CELF2: variants seen among roughly 807,000 people sequenced by gnomAD.
CELF2 encodes the protein CUGBP Elav-like family member 2.
Under a neutral mutation model 62.6 loss-of-function variants are expected in CELF2, and 8 were observed. The observed-to-expected ratio is 0.13, with a 90% CI of 0.07 to 0.23. The LOEUF is 0.23. Ranked by LOEUF, CELF2 falls within the 10% of genes least tolerant of loss-of-function variation. CELF2 has a pLI of 1.00. For missense variants in CELF2, 333 were observed against 671.0 expected, an observed-to-expected ratio of 0.50 and a Z score of 5.56; for synonymous variants, 258 against 250.0, an observed-to-expected ratio of 1.03 and a Z score of -0.30.
chr10:11,288,902 C>CA (rs1422535395), intron 9 of CELF2, among the ~76,000 whole-genome samples: 1 of 152,084 alleles, frequency 6.6e-6, no homozygotes, highest in Non-Finnish European at 1.5e-5. Context: ...TGCCCTTTTC[C>CA]AAAAAATAAG....
the CELF2 span, among the ~76,000 whole-genome samples, chr10:10,606,326 T>C: frequency 6.6e-6 from 1 of 152,198 alleles, no homozygotes; most frequent in Non-Finnish European, 1.5e-5. Context: ...GAAAATTCAC[T>C]GGACAGAGAA....
chr10:11,310,762 G>T (rs2094521035), intron 9 of CELF2, among the ~76,000 whole-genome samples: 1 of 151,608 alleles, frequency 6.6e-6, no homozygotes, highest in Non-Finnish European at 1.5e-5. Flanking sequence ...AAATAGGAGA[G>T]ACTTCTATTT....
chr10:11,034,493 T>TA (rs11414743), intron 1 of CELF2, among the ~76,000 whole-genome samples: 23,918 of 149,828 alleles, frequency 0.16, 3,373 homozygotes, highest in African/African-American at 0.37. Flanking sequence ...CTAGATGTGT[T>TA]AAAAATATTT....
rs1969765 is a variant in CELF2, at chr10:10,931,912, T to A, written c.89+11913T>A. On this transcript the variant is annotated intron_variant, in intron 2 of 13. Coordinates refer to the CELF2 transcript ENST00000636488. This position sits in a 1 kb window ranked among gnomAD's most constrained non-coding sequence, Gnocchi z 6.1. Reference sequence around the variant, plus strand: ...TCAAAGTCATGTCTTACATGGTGGCTGGCAAGAGAACTTGTGCAGGGGAAC... The same window carrying A: ...TCAAAGTCATGTCTTACATGGTGGCAGGCAAGAGAACTTGTGCAGGGGAAC... 9.2e-5 allele frequency among the ~76,000 whole-genome samples: 14 copies of A among 152,224 alleles called. No individual in the cohort carries two copies. The highest frequency in any genetic ancestry group is 2.1e-4 in the South Asian group (1 of 4,824).
At chr10:11,068,821 A>G (rs2068876591) in intron 1 of CELF2, among the ~76,000 whole-genome samples, 7 of 152,028 alleles carry the variant, frequency 4.6e-5, no homozygotes. Flanking sequence ...CAGCTTCCCA[A>G]AGTGCTGGGA....
At chr10:10,939,830 T>G (rs970694154) in intron 2 of CELF2, among the ~76,000 whole-genome samples, 1 of 151,976 alleles carries the variant, frequency 6.6e-6, no homozygotes, top group Non-Finnish European at 1.5e-5. Context: ...GGCGGATGCC[T>G]GTAGTTCCAG....
At chr10:10,609,334 A>G in the CELF2 span, among the ~76,000 whole-genome samples, 2 of 152,190 alleles carry the variant, frequency 1.3e-5, no homozygotes, top group Non-Finnish European at 2.9e-5. Flanking sequence ...GATAGCATGT[A>G]CATTATGAAA....
chr10:10,900,656 A>G (rs2062870357), intron 1 of CELF2, among the ~76,000 whole-genome samples: 1 of 152,188 alleles, frequency 6.6e-6, no homozygotes, highest in African/African-American at 2.4e-5. Context: ...GTCAGGAACT[A>G]GACAGTGAGT....
chr10:10,864,676 G>T (rs10905849), intron 1 of CELF2, among the ~76,000 whole-genome samples: 36,030 of 151,886 alleles, frequency 0.24, 4,370 homozygotes, highest in South Asian at 0.3. Context: ...TCCACTCTCC[G>T]TACCTCTTCT....
In CELF2 at chr10:11,119,895, T is replaced by C. The variant is rs868656888; in HGVS notation, c.75-45591T>C. ...CCCCCGGCCCCCGCTTTTTTGTTTA[T>C]TGACATATTATTTGCATATAATAGA... On this transcript the variant is annotated intron_variant, in intron 1 of 12. Coordinates refer to ENST00000633077, the MANE Select transcript of CELF2 (RefSeq NM_001326342.2). 1.1e-4 allele frequency among the ~76,000 whole-genome samples: 16 copies of C among 148,242 alleles called. No homozygotes were observed. In the South Asian group the frequency reaches 1.5e-3, roughly 14 times the overall value.
rs533445550 is a variant in CELF2, at chr10:11,297,248, C to G, written c.976+8696C>G. On this transcript the variant is annotated intron_variant, in intron 9 of 12. Coordinates refer to ENST00000633077, the MANE Select transcript of CELF2 (RefSeq NM_001326342.2). This position sits in a 1 kb window ranked among gnomAD's most constrained non-coding sequence, Gnocchi z 4.4. ...CTCAAGTGCACATGAACGGACATTC[C>G]GTGAAATGTGTCCAGCAGCAGTTGG... 2.0e-5 allele frequency among the ~76,000 whole-genome samples: 3 copies of G among 152,142 alleles called. No homozygotes were observed. The highest frequency in any genetic ancestry group is 4.4e-5 in the Non-Finnish European group (3 of 68,040).
chr10:10,845,754 T>G (rs1280424963), intron 1 of CELF2, among the ~76,000 whole-genome samples: 1 of 152,168 alleles, frequency 6.6e-6, no homozygotes, highest in Admixed American at 6.6e-5. Context: ...ACATGCTGCT[T>G]AAATAAGATC....
At chr10:11,131,307 G>T (rs1435943428) in intron 1 of CELF2, among the ~76,000 whole-genome samples, 1 of 152,210 alleles carries the variant, frequency 6.6e-6, no homozygotes, top group Non-Finnish European at 1.5e-5. Context: ...GAAGCACGAG[G>T]ACTCCTGGGA....
the CELF2 span, among the ~76,000 whole-genome samples, chr10:10,563,702 C>T: frequency 2.7e-5 from 4 of 150,794 alleles, no homozygotes; most frequent in Non-Finnish European, 5.9e-5. Context: ...GATCATTTCT[C>T]ATCATGCTTC....
chr10:10,518,718 T>A, the CELF2 span, among the ~76,000 whole-genome samples: 2 of 63,510 alleles, frequency 3.1e-5, no homozygotes, highest in African/African-American at 5.0e-5. Context: ...CACAAAATGA[T>A]TTTTTTTTAA....
rs1258594265 is a variant in CELF2 at position 11,211,542 on chromosome 10, T to C, written c.272-5883T>C. ...CTTTGATTCACAGCAAACCGTGATA[T>C]AAACTGGTTATCTTTATATATCAGT... On this transcript the variant is annotated intron_variant, in intron 2 of 12. Transcript: ENST00000633077. This position sits in a 1 kb window ranked among gnomAD's most constrained non-coding sequence, Gnocchi z 4.8. Among the ~76,000 whole-genome samples, 2 of 152,200 alleles carry C rather than the reference T, an allele frequency of 1.3e-5. No homozygotes were observed. The highest frequency in any genetic ancestry group is 4.8e-5 in the African/African-American group (2 of 41,452).
intron 2 of CELF2, among the ~76,000 whole-genome samples, chr10:11,215,831 C>T (rs1305292275): frequency 2.6e-5 from 4 of 152,110 alleles, no homozygotes; most frequent in Admixed American, 6.5e-5. Flanking sequence ...ATGTTAGTTT[C>T]CTTTTGGAAA....
At chr10:10,503,599 T>C in the CELF2 span, among the ~76,000 whole-genome samples, 1,145 of 152,090 alleles carry the variant, frequency 7.5e-3, 14 homozygotes, top group African/African-American at 0.026. Context: ...AAGCTGCTTA[T>C]ACCATTATGT....
the CELF2 span, among the ~76,000 whole-genome samples, chr10:10,654,985 A>G: frequency 6.9e-6 from 1 of 145,570 alleles, no homozygotes; most frequent in South Asian, 2.5e-4. Context: ...GTCTCAGCCC[A>G]AAATCTCCTT....
Sources: allele counts gnomAD v4.1 joint callset (sites outside exome capture counted in the v4.1 genomes callset), GRCh38; gene constraint gnomAD v4.1.1; non-coding constraint Gnocchi (gnomAD v3.1); transcripts MANE v1.5; gene names NCBI Gene and HGNC (gene_info 2026-07-23, HGNC 2026-07-21).